The following WDR86 variants were observed in gnomAD, a reference collection of about 807,000 sequenced individuals.
WDR86 encodes the protein WD repeat-containing protein 86.
A neutral mutation model predicts 36.5 loss-of-function variants in WDR86; 30 were observed. The observed-to-expected ratio is 0.82, with a 90% CI of 0.61 to 1.11. The LOEUF (loss-of-function observed/expected upper bound fraction) is 1.11, where lower values mean the gene tolerates loss of function less well. Among genes scored for constraint, WDR86 ranks in the 50% most tolerant of loss-of-function variants. The probability of loss-of-function intolerance (pLI) is 0.00; values close to 1 mark genes in which losing one functional copy is unlikely to be tolerated. For missense variants in WDR86, 545 were observed against 561.2 expected, an observed-to-expected ratio of 0.97 and a Z score of 0.29; for synonymous variants, 255 against 252.9, an observed-to-expected ratio of 1.01 and a Z score of -0.08.
chr7:151,380,259 C>G (rs910123540), downstream of WDR86, among the ~76,000 whole-genome samples: 2 of 152,190 alleles, frequency 1.3e-5, no homozygotes, highest in Non-Finnish European at 2.9e-5. Context: ...TTCCTACTGC[C>G]CACAGTGCAA....
rs1800688140 is a variant in WDR86 at position 151,406,167 on chromosome 7, A to C, written c.163+3260T>G. On this transcript the variant is annotated intron_variant, in intron 1 of 5. Coordinates refer to ENST00000334493, the MANE Select transcript of WDR86 (RefSeq NM_198285.3). The surrounding 1 kb of genome is among the most constrained non-coding windows in gnomAD (Gnocchi z 4.4). ...ATTCCGTGTATGAACAAGTGAATGCACCCACAGGGAGGGGCTCCCCACACG... is the reference window on the plus strand; with the variant it reads ...ATTCCGTGTATGAACAAGTGAATGCCCCCACAGGGAGGGGCTCCCCACACG... Among the ~76,000 whole-genome samples the C allele has an allele frequency of 6.6e-6, 1 of 152,062 alleles. No homozygotes were observed. Among genetic ancestry groups the C allele is most frequent in the African/African-American group, 2.4e-5 (1 of 41,384 alleles).
rs1272884989 is a variant in WDR86, at chr7:151,381,663, C to A, written c.1050G>T (p.Arg350=). The change falls in exon 6 of 6, where the codon CGG becomes CGT. Residue 350 remains arginine (R), a synonymous_variant. Coordinates refer to ENST00000334493, the MANE Select transcript of WDR86 (RefSeq NM_198285.3). This position sits in a 1 kb window ranked among gnomAD's most constrained non-coding sequence, Gnocchi z 4.8. ...WDVRGLRGAP[R]PPPPMRSLSR... is the part of the protein sequence containing the mutation. ...AGAGGCTGCGCATGGGCGGAGGGGG[C>A]CGCGGGGCACCTCGGAGCCCGCGCA... 1.4e-6 allele frequency: 2 copies of A among 1,406,974 alleles called. No homozygotes were observed. The highest frequency in any genetic ancestry group is 1.6e-5 in the South Asian group (1 of 63,638). The allele number at this position is 1,406,974 out of a possible 1,614,324, so 87.2% of individuals were successfully genotyped here. A position where few individuals can be genotyped will look rare whatever the true frequency, so the allele number is the denominator to read the frequency against.
intron 2 of WDR86, among the ~76,000 whole-genome samples, chr7:151,399,092 C>CTT (rs1800098719): frequency 6.6e-6 from 1 of 152,216 alleles, no homozygotes; most frequent in African/African-American, 2.4e-5. Context: ...AAGGCCGGGG[C>CTT]CAGACGGCCA....
intron 3 of WDR86, among the ~76,000 whole-genome samples, chr7:151,391,428 T>C (rs1201820280): frequency 1.3e-5 from 2 of 152,022 alleles, no homozygotes; most frequent in African/African-American, 4.8e-5. Flanking sequence ...ATTTCCTGAG[T>C]GGTGTCGGGT....
At position 151,405,850 on chromosome 7, in the gene WDR86, C is replaced by T. The variant is rs187689609; in HGVS notation, c.163+3577G>A. 6.6e-3 allele frequency among the ~76,000 whole-genome samples: 1,004 copies of T among 152,274 alleles called. 1 individual carries two copies. Among genetic ancestry groups the T allele is most frequent in the Non-Finnish European group, 1.0e-2 (680 of 68,020 alleles). ...TACCCAGGAAATTAACAACAATCCC[C>T]GCCCCCTCATGTTAGAAGACGAGGA... On this transcript the variant is annotated intron_variant, in intron 1 of 5. Coordinates refer to ENST00000334493, the MANE Select transcript of WDR86 (RefSeq NM_198285.3). The surrounding 1 kb of genome is among the most constrained non-coding windows in gnomAD (Gnocchi z 4.7).
chr7:151,392,503 C>G (rs1003687101), intron 3 of WDR86, among the ~76,000 whole-genome samples: 3 of 152,198 alleles, frequency 2.0e-5, no homozygotes, highest in African/African-American at 4.8e-5. Flanking sequence ...CTGAAGCCCC[C>G]TACCCGGGGG....
chr7:151,395,724 G>A, intron 3 of WDR86, 52 bp downstream of exon 3: 1 of 1,502,034 alleles, frequency 6.7e-7, no homozygotes, highest in Non-Finnish European at 8.9e-7. Flanking sequence ...CGGCAGTGCA[G>A]GGGGTGACCT....
At chr7:151,370,637 C>T in the WDR86 span, among the ~76,000 whole-genome samples, 1 of 151,682 alleles carries the variant, frequency 6.6e-6, no homozygotes, top group Admixed American at 6.6e-5. Flanking sequence ...TGGTGCGCTG[C>T]ACCCATTAAC....
intron 2 of WDR86, 94 bp downstream of exon 2, chr7:151,400,006 G>GC: frequency 8.0e-7 from 1 of 1,247,146 alleles, no homozygotes; most frequent in African/African-American, 1.6e-5. Context: ...AGAGCCAAGG[G>GC]CCCTCACGTG....
Position 151,381,677 on chromosome 7 carries a change from G to T in WDR86, c.1036C>A (p.Arg346=). 7.0e-7 allele frequency: 1 copy of T among 1,427,412 alleles called. No individual in the cohort carries two copies. The highest frequency in any genetic ancestry group is 9.1e-7 in the Non-Finnish European group (1 of 1,100,656). The allele number at this position is 1,427,412 out of a possible 1,614,324, so 88.4% of individuals were successfully genotyped here. ...GGCGGAGGGGGCCGCGGGGCACCTC[G>T]GAGCCCGCGCACGTCCCAGAGGCGC... ...ALRLWDVRGL[R]GAPRPPPPMR... Residue 346 remains arginine, a synonymous_variant, in exon 6 of 6, where the codon CGA becomes AGA. Transcript: ENST00000334493. This position sits in a 1 kb window ranked among gnomAD's most constrained non-coding sequence, Gnocchi z 4.8.
rs562894518 is a variant in WDR86 at position 151,407,928 on chromosome 7, T to C, written c.163+1499A>G. Among the ~76,000 whole-genome samples, 10 of 152,252 alleles carry C rather than the reference T, an allele frequency of 6.6e-5. No individual in the cohort carries two copies. In the South Asian group the frequency reaches 2.1e-3, roughly 32 times the overall value. On this transcript the variant is annotated intron_variant, in intron 1 of 5. Coordinates refer to ENST00000334493, the MANE Select transcript of WDR86 (RefSeq NM_198285.3). ...TGGAGCCCAGGCCTGGGGATCTGCATTTCTGAAACACCACCCACCCCTCTA... is the reference window on the plus strand; with the variant it reads ...TGGAGCCCAGGCCTGGGGATCTGCACTTCTGAAACACCACCCACCCCTCTA...
intron 1 of WDR86, among the ~76,000 whole-genome samples, chr7:151,403,596 G>A (rs1310953102): frequency 6.6e-6 from 1 of 152,136 alleles, no homozygotes; most frequent in East Asian, 1.9e-4. Flanking sequence ...CCTCCCTGGA[G>A]GGCATATACC....
chr7:151,376,050 C>T, exon 2 of WDR86: 1 of 761,406 alleles, frequency 1.3e-6, no homozygotes, highest in East Asian at 2.6e-5. Context: ...GTGCTGAAAC[C>T]TTGGCTCCCA....
At chr7:151,396,586 T>G (rs1799840899) in intron 2 of WDR86, among the ~76,000 whole-genome samples, 1 of 151,812 alleles carries the variant, frequency 6.6e-6, no homozygotes. Flanking sequence ...TTGCCCGGAG[T>G]TGAAAAGCTT....
At chr7:151,397,692 AGGGT>A (rs1799940484) in intron 2 of WDR86, among the ~76,000 whole-genome samples, 53 of 101,754 alleles carry the variant, frequency 5.2e-4, no homozygotes, top group Admixed American at 8.3e-4. Flanking sequence ...CGGGAGGAAG[AGGGT>A]GTAGTGGGAG....
chr7:151,409,963 G>A lies in WDR86; in HGVS notation c.-374C>T. The A allele has an allele frequency of 9.8e-7, 1 of 1,022,214 alleles. No individual in the cohort carries two copies. Among genetic ancestry groups the A allele is most frequent in the Non-Finnish European group, 1.2e-6 (1 of 854,698 alleles). 63.3% of individuals were successfully genotyped at this position (1,022,214 alleles called of 1,614,324 possible). On this transcript the variant is annotated 5_prime_UTR_variant, in exon 1 of 6. Transcript: ENST00000334493. This position sits in a 1 kb window ranked among gnomAD's most constrained non-coding sequence, Gnocchi z 5.2. ...GCCCCCCGCCTCCTCTCGCGCCCAC[G>A]GGGCTGGGGCGGGGAGAGGAACACG...
chr7:151,373,363 GA>G (rs1798045826), downstream of WDR86, among the ~76,000 whole-genome samples: 1 of 152,176 alleles, frequency 6.6e-6, no homozygotes, highest in African/African-American at 2.4e-5. Flanking sequence ...TTTTTATGGG[GA>G]TACTAGTTTA....
chr7:151,370,974 G>A (rs1371201442), downstream of WDR86, among the ~76,000 whole-genome samples: 1 of 152,076 alleles, frequency 6.6e-6, no homozygotes, highest in Admixed American at 6.5e-5. Context: ...CAGCCGAGAG[G>A]CCACAGGACA....
At chr7:151,379,263 C>T (rs1046559354), downstream of WDR86, among the ~76,000 whole-genome samples, 4 of 152,100 alleles carry the variant, frequency 2.6e-5, no homozygotes, top group African/African-American at 9.7e-5. Context: ...GGTTGGATGC[C>T]ATTAGAGGAG....
Sources: allele counts gnomAD v4.1 joint callset (sites outside exome capture counted in the v4.1 genomes callset), GRCh38; gene constraint gnomAD v4.1.1; non-coding constraint Gnocchi (gnomAD v3.1); transcripts MANE v1.5; gene names NCBI Gene and HGNC (gene_info 2026-07-23, HGNC 2026-07-21).